FHL5: variants seen among roughly 807,000 people sequenced by gnomAD.
The protein encoded by FHL5 is four and a half LIM domains 5, also known as four and a half LIM domains protein 5.
Under a neutral mutation model 32.0 loss-of-function variants are expected in FHL5, and 33 were observed. The observed-to-expected ratio is 1.03, with a 90% confidence interval of 0.78 to 1.38. The LOEUF is 1.38. Among genes scored for constraint, FHL5 ranks in the 40% most tolerant of loss-of-function variants. FHL5 has a pLI of 0.00. For missense variants in FHL5, 336 were observed against 343.9 expected (o/e 0.98, Z 0.18); for synonymous variants, 114 against 113.6 (o/e 1.00, Z -0.02).
In FHL5 at chr6:96,610,733, T is replaced by G. The variant is rs781010330; in HGVS notation, c.666T>G (p.Cys222Trp). The G allele has an allele frequency of 1.2e-6, 2 of 1,613,546 alleles. No homozygotes were observed. The highest frequency in any genetic ancestry group is 2.2e-5 in the East Asian group (1 of 44,880). The change falls in exon 5 of 6, where the codon TGT (cysteine) becomes TGG (tryptophan). Residue 222 changes from cysteine (C) to tryptophan (W), a missense_variant. By Grantham distance (215) the Cys-to-Trp change is radical. Transcript: ENST00000450218. ...ACAACCATCTTTATGCCAACAAGTG[T>G]GTAGCCTGTTCCAAACCCATTAGTG... ...DCYNHLYANK[C>W]VACSKPISGL...
intron 4 of FHL5, among the ~76,000 whole-genome samples, chr6:96,610,047 T>C (rs972848857): frequency 5.3e-5 from 8 of 152,360 alleles, no homozygotes; most frequent in African/African-American, 1.2e-4. Flanking sequence ...TTGGATATTC[T>C]TGGACCTGGT....
At chr6:96,575,634 C>T (rs1175152497) in intron 1 of FHL5, among the ~76,000 whole-genome samples, 2 of 152,204 alleles carry the variant, frequency 1.3e-5, no homozygotes, top group African/African-American at 4.8e-5. Flanking sequence ...CCAGTTAAGT[C>T]ACTCCTCAAG....
chr6:96,610,288 T>C (rs1771370836), intron 4 of FHL5, among the ~76,000 whole-genome samples: 1 of 152,126 alleles, frequency 6.6e-6, no homozygotes. Context: ...AGGAGAAAAA[T>C]ATACAATAAT....
chr6:96,603,758 G>C lies in FHL5; in HGVS notation c.145G>C (p.Glu49Gln). The change falls in exon 2 of 6, where the codon GAA becomes CAA. Residue 49 changes from glutamate to glutamine, a missense_variant. Glu to Gln is a conservative substitution (Grantham distance 29, BLOSUM62 2). Transcript: ENST00000450218. ...TTGCGAGGAATGCAAAAAACCAATT[G>C]AATCTGATTCTAAGGTAAGTCTCAC... ...NYCEECKKPI[E>Q]SDSKDLCYKD... 6.2e-7 allele frequency: 1 copy of C among 1,609,106 alleles called. No individual in the cohort carries two copies. The highest frequency in any genetic ancestry group is 8.5e-7 in the Non-Finnish European group (1 of 1,177,970).
chr6:96,603,528 A>C (rs1469256700), intron 1 of FHL5, 74 bp from the exon 2 acceptor site: 18 of 1,082,602 alleles, frequency 1.7e-5, no homozygotes, highest in Non-Finnish European at 2.5e-5. Context: ...CACTCACATT[A>C]TATTAAGGTT....
intron 1 of FHL5, among the ~76,000 whole-genome samples, chr6:96,568,432 G>A (rs376018903): frequency 2.0e-5 from 3 of 151,526 alleles, no homozygotes; most frequent in African/African-American, 7.3e-5. Context: ...TTTTTTTGTT[G>A]TTGCATCCTT....
chr6:96,589,934 ATTC>A (rs961813154), intron 1 of FHL5, among the ~76,000 whole-genome samples: 8 of 151,994 alleles, frequency 5.3e-5, no homozygotes, highest in African/African-American at 1.4e-4. Flanking sequence ...GACCATTCCT[ATTC>A]TTCGTTATTC....
intron 1 of FHL5, among the ~76,000 whole-genome samples, chr6:96,596,015 T>A (rs1771026231): frequency 6.6e-6 from 1 of 151,998 alleles, no homozygotes; most frequent in South Asian, 2.1e-4. Context: ...AATTTATATG[T>A]ATGATTTTTT....
rs543088291 is a variant in FHL5 at position 96,601,090 on chromosome 6, C to T, written c.-12-2512C>T. ...GTGGCTCACGCCTGTAATCCCAGCA[C>T]TTCGGGAGGCCGAGGTGAGCGGATC... is the stretch of plus-strand genomic sequence containing the variant. On this transcript the variant is annotated intron_variant, in intron 1 of 5. Coordinates refer to ENST00000450218, the MANE Select transcript of FHL5 (RefSeq NM_001322466.2). Among the ~76,000 whole-genome samples, 5 of 152,218 alleles carry T rather than the reference C, an allele frequency of 3.3e-5. No individual in the cohort carries two copies. In the East Asian group the frequency reaches 5.8e-4, roughly 18 times the overall value.
chr6:96,599,866 G>A (rs912360179), intron 1 of FHL5, among the ~76,000 whole-genome samples: 7 of 152,204 alleles, frequency 4.6e-5, no homozygotes, highest in Non-Finnish European at 1.0e-4. Flanking sequence ...AATAAGAACA[G>A]CTTTGCTCAA....
chr6:96,609,675 C>T (rs934201405), intron 4 of FHL5, among the ~76,000 whole-genome samples: 1 of 152,136 alleles, frequency 6.6e-6, no homozygotes, highest in Admixed American at 6.6e-5. Flanking sequence ...AATTGCTTTC[C>T]AACTATTTTT....
intron 1 of FHL5, among the ~76,000 whole-genome samples, chr6:96,586,283 T>C (rs1343595855): frequency 6.6e-6 from 1 of 152,228 alleles, no homozygotes; most frequent in Non-Finnish European, 1.5e-5. Context: ...TTAAAAAACA[T>C]TGAATCTGTG....
rs569211893 is a variant in FHL5, at chr6:96,606,221, G to T, written c.504+150G>T. ...GACTTTCAACATGTCCAAACCACTA[G>T]TTGTCACGATGAGCATGACCATCTT... is the stretch of plus-strand genomic sequence containing the variant. On this transcript the variant is annotated intron_variant, in intron 4 of 5. Coordinates refer to ENST00000450218, the MANE Select transcript of FHL5 (RefSeq NM_001322466.2). 1.8e-4 allele frequency: 98 copies of T among 548,762 alleles called. 4 individuals carry two copies. The South Asian group carries it at 3.1e-3, about 18-fold the overall frequency. 34.0% of individuals were successfully genotyped at this position (548,762 alleles called of 1,614,324 possible).
intron 1 of FHL5, among the ~76,000 whole-genome samples, chr6:96,568,455 T>C (rs1156956090): frequency 6.6e-6 from 1 of 151,876 alleles, no homozygotes; most frequent in Non-Finnish European, 1.5e-5. Context: ...CTAGTTTTGG[T>C]ATCAAGGTAA....
intron 1 of FHL5, among the ~76,000 whole-genome samples, chr6:96,603,371 C>A (rs751017768): frequency 4.6e-5 from 7 of 151,978 alleles, no homozygotes; most frequent in Non-Finnish European, 1.0e-4. Flanking sequence ...AGGTTTTATG[C>A]ATTTTTTTTT....
chr6:96,572,547 T>G (rs1429985035), intron 1 of FHL5, among the ~76,000 whole-genome samples: 1 of 152,108 alleles, frequency 6.6e-6, no homozygotes, highest in Non-Finnish European at 1.5e-5. Context: ...ACTTACTCCT[T>G]GAGTAAGGCT....
intron 1 of FHL5, among the ~76,000 whole-genome samples, chr6:96,595,012 G>A (rs1771006986): frequency 6.6e-6 from 1 of 151,766 alleles, no homozygotes; most frequent in Admixed American, 6.6e-5. Context: ...TACAGTCAAT[G>A]TTTATTTTTG....
Position 96,605,972 on chromosome 6 carries a change from A to T in FHL5, c.405A>T (p.Gln135His). Residue 135 changes from glutamine (Q) to histidine (H), a missense_variant, in exon 4 of 6, where the codon CAA becomes CAT. Transcript: ENST00000450218. ...GTTTTGTGTGTGAGAATTGCCGACA[A>T]CCTATAGGGACAAAGCCTTTGATCT... ...ETCFVCENCR[Q>H]PIGTKPLISK... is the part of the protein sequence containing the mutation. The T allele has an allele frequency of 6.2e-7, 1 of 1,614,124 alleles. No individual in the cohort carries two copies. The highest frequency in any genetic ancestry group is 8.5e-7 in the Non-Finnish European group (1 of 1,179,980).
Position 96,616,505 on chromosome 6 carries a change from C to T in FHL5, c.*733C>T, listed in dbSNP as rs541757175. ...ACACGTTTTGTATTAAATATATTTT[C>T]AAAGTCCACAGTGATTTTTCTAAAC... On this transcript the variant is annotated 3_prime_UTR_variant, in exon 6 of 6. Transcript: ENST00000450218. 1.3e-5 allele frequency: 2 copies of T among 152,280 alleles called. No homozygotes were observed. Among genetic ancestry groups the T allele is most frequent in the East Asian group, 1.9e-4 (1 of 5,182 alleles). The allele number at this position is 152,280 out of a possible 1,614,324, so 9.4% of individuals were successfully genotyped here.
Sources: gnomAD v4.1 joint callset for allele counts (sites outside exome capture counted in the v4.1 genomes callset) on GRCh38, gnomAD v4.1.1 for gene constraint, MANE v1.5 for transcripts, NCBI Gene and HGNC (gene_info 2026-07-23, HGNC 2026-07-21) for gene names.